ERO1A: variants seen among roughly 807,000 people sequenced by gnomAD.
ERO1A encodes ERO1-like protein alpha.
A neutral mutation model predicts 76.9 loss-of-function variants in ERO1A; 49 were observed. The ratio of observed to expected loss-of-function variants is 0.64; its 90% CI spans 0.51 to 0.81. The LOEUF (loss-of-function observed/expected upper bound fraction) is 0.81. Among genes scored for constraint, ERO1A ranks in the 30% least tolerant of loss-of-function variants. The probability of loss-of-function intolerance (pLI) is 0.00; values close to 1 mark genes in which losing one functional copy is unlikely to be tolerated. For missense variants in ERO1A, 448 were observed against 542.1 expected (o/e 0.83, Z 1.72); for synonymous variants, 174 against 181.2 (o/e 0.96, Z 0.32).
At chr14:52,658,895 G>A (rs773690114) in intron 9 of ERO1A, among the ~76,000 whole-genome samples, 3 of 152,152 alleles carry the variant, frequency 2.0e-5, no homozygotes, top group Non-Finnish European at 4.4e-5. Context: ...AAAGATTCAT[G>A]TATGCATTTG....
intron 7 of ERO1A, 47 bp from the exon 8 acceptor site, chr14:52,663,894 T>A: frequency 9.2e-7 from 1 of 1,092,476 alleles, no homozygotes; most frequent in Non-Finnish European, 1.4e-6. Context: ...ATGTTACCAA[T>A]CATGTTATAT....
chr14:52,651,989 CTT>C (rs78451217), intron 13 of ERO1A, among the ~76,000 whole-genome samples: 52 of 133,750 alleles, frequency 3.9e-4, no homozygotes, highest in Admixed American at 6.0e-4. Flanking sequence ...CTACTCTCTA[CTT>C]TTTTTTTTTT....
intron 9 of ERO1A, among the ~76,000 whole-genome samples, 196 bp downstream of exon 9, chr14:52,661,095 CTG>C (rs1190381735): frequency 3.3e-5 from 5 of 152,190 alleles, no homozygotes; most frequent in Non-Finnish European, 5.9e-5. Flanking sequence ...CTGAGGCACA[CTG>C]TTTCTAATGC....
chr14:52,656,539 C>T (rs547944688), intron 11 of ERO1A, among the ~76,000 whole-genome samples: 93 of 151,368 alleles, frequency 6.1e-4, no homozygotes, highest in African/African-American at 2.2e-3. Context: ...GGTGAAACCC[C>T]GTCTCTACTA....
chr14:52,664,092 A>C (rs1475295258), intron 7 of ERO1A: 1 of 308,328 alleles, frequency 3.2e-6, no homozygotes, highest in African/African-American at 2.2e-5. Flanking sequence ...TTCAAACAAA[A>C]GAAGAGAAAA....
At chr14:52,680,090 A>C (rs770645090) in intron 3 of ERO1A, among the ~76,000 whole-genome samples, 15,341 of 149,908 alleles carry the variant, frequency 0.1, 820 homozygotes, top group South Asian at 0.19. Context: ...AACAAAAAAA[A>C]AAAAAAAAAA....
At chr14:52,681,267 T>C (rs2040983002) in intron 3 of ERO1A, among the ~76,000 whole-genome samples, 1 of 152,108 alleles carries the variant, frequency 6.6e-6, no homozygotes, top group African/African-American at 2.4e-5. Context: ...CAAAACATAG[T>C]ATAGGCATAC....
chr14:52,671,749 T>A (rs1390026061), intron 5 of ERO1A, 46 bp from the exon 6 acceptor site: 2 of 1,576,218 alleles, frequency 1.3e-6, no homozygotes, highest in East Asian at 4.5e-5. Context: ...TAAGTTAATA[T>A]GTAACATAAA....
At chr14:52,693,584 G>A (rs1466748297) in intron 1 of ERO1A, among the ~76,000 whole-genome samples, 2 of 152,008 alleles carry the variant, frequency 1.3e-5, no homozygotes, top group African/African-American at 4.8e-5. Context: ...CGAACTCCTG[G>A]GCTCACTCCA....
intron 1 of ERO1A, among the ~76,000 whole-genome samples, chr14:52,689,212 C>T (rs954767962): frequency 1.3e-5 from 2 of 152,216 alleles, no homozygotes; most frequent in East Asian, 3.8e-4. Context: ...CCTCAGCCTC[C>T]CAGAGTGCTG....
At chr14:52,672,242 C>T (rs987664886) in intron 4 of ERO1A, 11 of 159,946 alleles carry the variant, frequency 6.9e-5, no homozygotes, top group Non-Finnish European at 1.2e-4. Flanking sequence ...GGAGGCAGAG[C>T]TTGCAGTGAG....
chr14:52,691,564 G>A (rs2041355529), intron 1 of ERO1A, among the ~76,000 whole-genome samples: 1 of 152,088 alleles, frequency 6.6e-6, no homozygotes, highest in East Asian at 1.9e-4. Flanking sequence ...CTCTCCCACG[G>A]CCCAGCCACC....
chr14:52,680,456 A>G (rs773102791), intron 3 of ERO1A, among the ~76,000 whole-genome samples: 32 of 152,198 alleles, frequency 2.1e-4, no homozygotes, highest in Non-Finnish European at 4.7e-4. Context: ...ATCAATAATA[A>G]TCAGAAATAA....
At chr14:52,692,852 G>C (rs952322871) in intron 1 of ERO1A, among the ~76,000 whole-genome samples, 1 of 151,128 alleles carries the variant, frequency 6.6e-6, no homozygotes, top group African/African-American at 2.4e-5. Flanking sequence ...GTGTATGTCT[G>C]TCTATATGCT....
chr14:52,655,654 A>AT lies in ERO1A; in HGVS notation c.808+2262dup, dbSNP rs567780301. Among the ~76,000 whole-genome samples the AT allele has an allele frequency of 4.3e-3, 628 of 146,818 alleles. 3 individuals are homozygous for AT. The highest frequency in any genetic ancestry group is 0.013 in the African/African-American group (511 of 40,336). The stretch of plus-strand genomic sequence containing the variant: ...GAATTTCTCACTCTTATTTTATGTG[A>AT]TTTTTTTTTTTAGTGGGTGAAGGTG... On this transcript the variant is annotated intron_variant, in intron 11 of 15. Coordinates refer to ENST00000395686, the MANE Select transcript of ERO1A (RefSeq NM_014584.3).
Position 52,643,364 on chromosome 14 carries a change from T to C in ERO1A, c.*206A>G, listed in dbSNP as rs1465547382. The stretch of plus-strand genomic sequence containing the variant: ...TAAAATTTGTACCACATTATTAAAG[T>C]ATTACTTTTACTCACAGTAGTATTA... On this transcript the variant is annotated 3_prime_UTR_variant, in exon 16 of 16. Transcript: ENST00000395686. The C allele has an allele frequency of 5.3e-6, 2 of 374,474 alleles. No homozygotes were observed. The highest frequency in any genetic ancestry group is 2.1e-5 in the African/African-American group (1 of 47,816). 23.2% of individuals were successfully genotyped at this position (374,474 alleles called of 1,614,324 possible).
chr14:52,682,508 G>T (rs2041032193), intron 2 of ERO1A, 100 bp from the exon 3 acceptor site: 1 of 804,148 alleles, frequency 1.2e-6, no homozygotes, highest in Non-Finnish European at 2.0e-6. Flanking sequence ...ATGTTATCAG[G>T]TGCAAATACA....
rs372224817 is a variant in ERO1A at position 52,657,004 on chromosome 14, T to C, written c.808+913A>G. 5.3e-5 allele frequency among the ~76,000 whole-genome samples: 8 copies of C among 152,222 alleles called. No homozygotes were observed. The South Asian group carries it at 6.2e-4, about 12-fold the overall frequency. ...GTGGGACTCAGGACACTGGACCAAA[T>C]TGAAAACTAGCTAAAACAGGGAGGG... is the stretch of plus-strand genomic sequence containing the variant. On this transcript the variant is annotated intron_variant, in intron 11 of 15. Transcript: ENST00000395686.
In ERO1A at chr14:52,669,670, T is replaced by C. The variant is rs181272433; in HGVS notation, c.508+1960A>G. 6.6e-5 allele frequency among the ~76,000 whole-genome samples: 10 copies of C among 152,266 alleles called. No individual in the cohort carries two copies. In the East Asian group the frequency reaches 1.9e-3, roughly 29 times the overall value. On this transcript the variant is annotated intron_variant, in intron 6 of 15. Coordinates refer to ENST00000395686, the MANE Select transcript of ERO1A (RefSeq NM_014584.3). Reference sequence around the variant, plus strand: ...ACGTAAATATTTCTACAGTGAAACATATACTCACACTAAATGAGCCTCTGC... The same window carrying C: ...ACGTAAATATTTCTACAGTGAAACACATACTCACACTAAATGAGCCTCTGC...
Sources: gnomAD v4.1 joint callset for allele counts (sites outside exome capture counted in the v4.1 genomes callset) on GRCh38, gnomAD v4.1.1 for gene constraint, MANE v1.5 for transcripts, NCBI Gene and HGNC (gene_info 2026-07-23, HGNC 2026-07-21) for gene names.